Variants in TNKS observed in about 807,000 individuals in gnomAD.
TNKS encodes tankyrase.
A neutral mutation model predicts 135.8 loss-of-function variants in TNKS; 72 were observed. The observed-to-expected ratio is 0.53, with a 90% CI of 0.44 to 0.64. The LOEUF (loss-of-function observed/expected upper bound fraction) is 0.64. TNKS is among the 30% of genes least tolerant of loss of function. TNKS has a pLI of 0.00. For missense variants in TNKS, 1,769 were observed against 1,674.0 expected, an observed-to-expected ratio of 1.06 and a Z score of -0.99; for synonymous variants, 849 against 649.3, an observed-to-expected ratio of 1.31 and a Z score of -4.68.
At chr8:9,575,122 T>A in intron 1 of TNKS, 4 of 962,472 alleles carry the variant, frequency 4.2e-6, no homozygotes, top group Non-Finnish European at 4.9e-6. Context: ...AGTCTCGCTC[T>A]GTTGCCCAGG....
intron 2 of TNKS, among the ~76,000 whole-genome samples, chr8:9,609,363 A>C (rs1799360210): frequency 6.6e-6 from 1 of 152,200 alleles, no homozygotes; most frequent in Non-Finnish European, 1.5e-5. Flanking sequence ...TATCGTAGAC[A>C]CCCAAAGTTT....
chr8:9,758,064 G>A (rs954137958), intron 20 of TNKS, among the ~76,000 whole-genome samples: 1 of 152,164 alleles, frequency 6.6e-6, no homozygotes, highest in Non-Finnish European at 1.5e-5. Context: ...ATACATCTCA[G>A]CTCTTCTGTG....
rs1263900652 is a variant in TNKS at position 9,672,314 on chromosome 8, G to A, written c.995-7637G>A. On this transcript the variant is annotated intron_variant, in intron 3 of 26. Coordinates refer to ENST00000310430, the MANE Select transcript of TNKS (RefSeq NM_003747.3). Reference sequence around the variant, plus strand: ...TGGGGGACCTTGGAATGTATCCCCTGTGAATAATGGGGGCTACTGTACATC... The same window carrying A: ...TGGGGGACCTTGGAATGTATCCCCTATGAATAATGGGGGCTACTGTACATC... Among the ~76,000 whole-genome samples, 4 of 152,274 alleles carry A rather than the reference G, an allele frequency of 2.6e-5. No individual in the cohort carries two copies. In the South Asian group the frequency reaches 6.2e-4, roughly 24 times the overall value.
Position 9,680,762 on chromosome 8 carries a change from C to T in TNKS, c.1069C>T (p.Pro357Ser), listed in dbSNP as rs752695694. 1.9e-6 allele frequency: 3 copies of T among 1,612,168 alleles called. No homozygotes were observed. Among genetic ancestry groups the T allele is most frequent in the Non-Finnish European group, 1.7e-6 (2 of 1,178,900 alleles). The change falls in exon 5 of 27, where the codon CCT becomes TCT. Residue 357 changes from proline to serine, a missense_variant. Pro to Ser is a moderately conservative substitution (Grantham distance 74). This residue lies in a region of TNKS where 523 missense variants were observed against 541.0 expected (regional missense o/e 0.97). Transcript: ENST00000310430. ...NEEKLMALLT[P>S]LNVNCHASDG... is the part of the protein sequence containing the mutation. ...AGAAAAACTAATGGCTTTACTGACT[C>T]CTCTAAATGTGAATTGCCATGCAAG...
chr8:9,769,612 CTTTTT>C (rs1163803220), intron 25 of TNKS, among the ~76,000 whole-genome samples: 7 of 73,460 alleles, frequency 9.5e-5, no homozygotes, highest in Admixed American at 4.1e-4. Context: ...CAGGCATTTT[CTTTTT>C]TTTTTTTTTT....
At chr8:9,634,080 C>CAT (rs35243166) in intron 3 of TNKS, among the ~76,000 whole-genome samples, 1,646 of 142,152 alleles carry the variant, frequency 0.012, 18 homozygotes, top group South Asian at 0.074. Context: ...CATTTAACTG[C>CAT]ATATATATAT....
At chr8:9,616,601 G>C (rs1799654367) in intron 3 of TNKS, among the ~76,000 whole-genome samples, 1 of 152,152 alleles carries the variant, frequency 6.6e-6, no homozygotes, top group Admixed American at 6.5e-5. Flanking sequence ...AAAATACTGA[G>C]GCGAAGGGAA....
intron 20 of TNKS, 102 bp downstream of exon 20, chr8:9,752,728 C>A: frequency 2.7e-6 from 2 of 744,346 alleles, no homozygotes; most frequent in East Asian, 3.0e-5. Context: ...AATGCTTCGG[C>A]AGGATTGCTT....
intron 3 of TNKS, among the ~76,000 whole-genome samples, chr8:9,627,869 A>G (rs1332999395): frequency 6.6e-6 from 1 of 152,166 alleles, no homozygotes; most frequent in Non-Finnish European, 1.5e-5. Flanking sequence ...CTCTCAGCTT[A>G]TTACTTTTTT....
intron 2 of TNKS, among the ~76,000 whole-genome samples, chr8:9,613,896 A>G (rs188601312): frequency 9.8e-5 from 15 of 152,320 alleles, no homozygotes; most frequent in East Asian, 9.6e-4. Context: ...GAAAGCTCCC[A>G]TCATTTAACT....
chr8:9,728,402 A>C (rs962500733), intron 13 of TNKS, among the ~76,000 whole-genome samples: 2 of 152,204 alleles, frequency 1.3e-5, no homozygotes, highest in African/African-American at 4.8e-5. Flanking sequence ...CAGAATAAAG[A>C]ATTTCTAAAT....
chr8:9,716,652 G>A (rs1239166995), intron 11 of TNKS, among the ~76,000 whole-genome samples: 21 of 152,036 alleles, frequency 1.4e-4, no homozygotes, highest in Admixed American at 1.3e-3. Context: ...CGTTCTCTAT[G>A]TCTCTGCCTC....
chr8:9,741,402 A>G (rs573835030), intron 17 of TNKS, among the ~76,000 whole-genome samples: 6 of 152,264 alleles, frequency 3.9e-5, no homozygotes, highest in Non-Finnish European at 7.4e-5. Context: ...ACTACAGTAG[A>G]TCCCATACAT....
At chr8:9,690,698 G>A (rs1050820682) in intron 5 of TNKS, among the ~76,000 whole-genome samples, 5 of 151,932 alleles carry the variant, frequency 3.3e-5, no homozygotes, top group African/African-American at 7.2e-5. Flanking sequence ...ATGTAAGTAA[G>A]TAAATAAATA....
Position 9,582,774 on chromosome 8 carries a change from A to C in TNKS, c.898+2391A>C, listed in dbSNP as rs775117287. Among the ~76,000 whole-genome samples the C allele has an allele frequency of 3.3e-5, 5 of 152,186 alleles. No homozygotes were observed. The East Asian group carries it at 9.6e-4, about 29-fold the overall frequency. On this transcript the variant is annotated intron_variant, in intron 2 of 26. Coordinates refer to ENST00000310430, the MANE Select transcript of TNKS (RefSeq NM_003747.3). ...ATATTAATTGCCATTATTAATTACT[A>C]TTATTATTGTTGGTGCTAAAATCTC...
chr8:9,590,880 A>G (rs891080654), intron 2 of TNKS, among the ~76,000 whole-genome samples: 2 of 152,222 alleles, frequency 1.3e-5, no homozygotes, highest in African/African-American at 4.8e-5. Context: ...CCTTTGAAGC[A>G]CAGAAGTTTT....
chr8:9,613,374 A>G (rs1563117251), intron 2 of TNKS, among the ~76,000 whole-genome samples: 1 of 152,150 alleles, frequency 6.6e-6, no homozygotes, highest in Non-Finnish European at 1.5e-5. Flanking sequence ...GTTCTAATTC[A>G]GTCCTCCTGG....
At chr8:9,560,718 G>T (rs57225736) in intron 1 of TNKS, among the ~76,000 whole-genome samples, 1 of 151,824 alleles carries the variant, frequency 6.6e-6, no homozygotes, top group African/African-American at 2.4e-5. Flanking sequence ...GAGGATGTAA[G>T]AAGGGTCTAA....
chr8:9,743,724 C>T (rs1017790567), intron 17 of TNKS, among the ~76,000 whole-genome samples: 1 of 152,050 alleles, frequency 6.6e-6, no homozygotes, highest in East Asian at 1.9e-4. Flanking sequence ...CCCATTTCTA[C>T]CAAAAAATAC....
Sources: gnomAD v4.1 joint callset for allele counts (sites outside exome capture counted in the v4.1 genomes callset) on GRCh38, gnomAD v4.1.1 for gene constraint, gnomAD v4.1.1 regional missense constraint, MANE v1.5 for transcripts, NCBI Gene and HGNC (gene_info 2026-07-23, HGNC 2026-07-21) for gene names.